Variants in HIGD2A observed in about 807,000 individuals in gnomAD.
The protein encoded by HIGD2A is HIG1 domain family member 2A, mitochondrial.
HIGD2A carries 4 observed loss-of-function variants against 6.3 expected under a neutral mutation model. The observed-to-expected ratio is 0.64, with a 90% CI of 0.31 to 1.46. The LOEUF (loss-of-function observed/expected upper bound fraction) is 1.46, where lower values mean the gene tolerates loss of function less well. HIGD2A is among the 40% of genes most tolerant of loss of function. The pLI, the probability that HIGD2A is intolerant of heterozygous loss-of-function variation, is 0.07. For synonymous variants in HIGD2A, 63 were observed against 59.3 expected, an observed-to-expected ratio of 1.06 and a Z score of -0.29; for missense variants, 143 against 144.8, an observed-to-expected ratio of 0.99 and a Z score of 0.06.
chr5:176,389,083 A>G, intron 1 of HIGD2A, 110 bp downstream of exon 1: 2 of 1,407,058 alleles, frequency 1.4e-6, no homozygotes, highest in Admixed American at 1.9e-5. Context: ...CGGACTAGAG[A>G]AGAGACGAGG....
rs61742004 is a variant in HIGD2A at position 176,389,413 on chromosome 5, G to A, written c.237G>A (p.Met79Ile). 2.5e-6 allele frequency: 4 copies of A among 1,614,040 alleles called. No individual in the cohort carries two copies. In the African/African-American group the frequency reaches 5.3e-5, roughly 22 times the overall value. ...RGNSQRSQLMMRTRIAAQGFT... is the reference protein window; with the variant it reads ...RGNSQRSQLMIRTRIAAQGFT... ...ACAGCCAGCGCTCTCAGCTCATGAT[G>A]CGCACCCGGATCGCCGCCCAGGGTT... Residue 79 changes from methionine (M) to isoleucine (I), a missense_variant, in exon 2 of 2, where the codon ATG (methionine) becomes ATA (isoleucine). Coordinates refer to ENST00000274787, the MANE Select transcript of HIGD2A (RefSeq NM_138820.4).
rs1756174717 is a variant in HIGD2A, at chr5:176,389,504, G to A, written c.*7G>A. ...TATGAAGTCTCGACCCTAAGCCCAG[G>A]GTCTGGCCTTGAAAGCTCCGCAGAA... On this transcript the variant is annotated 3_prime_UTR_variant, in exon 2 of 2. Coordinates refer to ENST00000274787, the MANE Select transcript of HIGD2A (RefSeq NM_138820.4). 2 of 1,607,696 alleles carry A rather than the reference G, an allele frequency of 1.2e-6. No individual in the cohort carries two copies. The highest frequency in any genetic ancestry group is 1.7e-6 in the Non-Finnish European group (2 of 1,176,598).
Position 176,389,452 on chromosome 5 carries a change from C to A in HIGD2A, c.276C>A (p.Ala92=), listed in dbSNP as rs763280872. 20 of 1,614,178 alleles carry A rather than the reference C, an allele frequency of 1.2e-5. No individual in the cohort carries two copies. In the South Asian group the frequency reaches 2.0e-4, roughly 16 times the overall value. Reference sequence around the variant, plus strand: ...CCGCCCAGGGTTTCACGGTCGCAGCCATCTTGCTGGGTCTGGCTGTCACTG... The same window carrying A: ...CCGCCCAGGGTTTCACGGTCGCAGCAATCTTGCTGGGTCTGGCTGTCACTG... The part of the protein sequence containing the change: ...RIAAQGFTVA[A]ILLGLAVTAM... The change falls in exon 2 of 2, where the codon GCC becomes GCA. Residue 92 remains alanine (A), a synonymous_variant. Transcript: ENST00000274787.
Position 176,389,666 on chromosome 5 carries a change from T to C in HIGD2A, c.*169T>C. 2 of 616,294 alleles carry C rather than the reference T, an allele frequency of 3.2e-6. No homozygotes were observed. Among genetic ancestry groups the C allele is most frequent in the Non-Finnish European group, 5.4e-6 (2 of 367,664 alleles). 38.2% of individuals were successfully genotyped at this position (616,294 alleles called of 1,614,324 possible). A position where few individuals can be genotyped will look rare whatever the true frequency, so the allele number is the denominator to read the frequency against. The stretch of plus-strand genomic sequence containing the variant: ...TAACCGAAAGTTTTTTCAAAAATCC[T>C]AGATGCTGTTGTTTGAATGTTACAT... On this transcript the variant is annotated 3_prime_UTR_variant, in exon 2 of 2. Transcript: ENST00000274787.
chr5:176,389,145 G>C (rs886847901), intron 1 of HIGD2A, among the ~76,000 whole-genome samples, 172 bp downstream of exon 1: 22 of 152,102 alleles, frequency 1.4e-4, no homozygotes, highest in Non-Finnish European at 2.4e-4. Flanking sequence ...GCGGGTTTAG[G>C]GGGCGGGATT....
chr5:176,388,783 C>T lies in HIGD2A; in HGVS notation c.-37C>T, dbSNP rs765010863. 3.9e-5 allele frequency: 62 copies of T among 1,602,392 alleles called. 1 individual carries two copies. The South Asian group carries it at 6.8e-4, about 17-fold the overall frequency. On this transcript the variant is annotated 5_prime_UTR_variant, in exon 1 of 2. Coordinates refer to ENST00000274787, the MANE Select transcript of HIGD2A (RefSeq NM_138820.4). ...ATGACCTTCACCGGGAGGCTGAGGT[C>T]GGAGTCCCGATTTTCTCCTGCTGCT...
chr5:176,388,986 G>A lies in HIGD2A; in HGVS notation c.154+13G>A, dbSNP rs576769278. ...GTGGTACCCATAGGTAAGTGGGTGCGGTAGGAACTGCACAAGGAGAGGACA... is the reference window on the plus strand; with the variant it reads ...GTGGTACCCATAGGTAAGTGGGTGCAGTAGGAACTGCACAAGGAGAGGACA... On this transcript the variant is annotated intron_variant, in intron 1 of 1. Coordinates refer to ENST00000274787, the MANE Select transcript of HIGD2A (RefSeq NM_138820.4). 3 of 1,613,520 alleles carry A rather than the reference G, an allele frequency of 1.9e-6. No homozygotes were observed. The highest frequency in any genetic ancestry group is 1.3e-5 in the African/African-American group (1 of 74,892).
rs925580453 is a variant in HIGD2A at position 176,389,102 on chromosome 5, C to A, written c.154+129C>A. ...CTAGAGAAGAGACGAGGGGGCGGGG[C>A]GGTGAGGGGCGAAACTGATTGGAGC... On this transcript the variant is annotated intron_variant, in intron 1 of 1. Transcript: ENST00000274787. 2.4e-5 allele frequency: 30 copies of A among 1,232,490 alleles called. No homozygotes were observed. The highest frequency in any genetic ancestry group is 6.8e-6 in the Non-Finnish European group (6 of 881,318). The allele number at this position is 1,232,490 out of a possible 1,614,324, so 76.3% of individuals were successfully genotyped here. A position where few individuals can be genotyped will look rare whatever the true frequency, so the allele number is the denominator to read the frequency against.
Position 176,389,599 on chromosome 5 carries a change from GCCC to G in HIGD2A, c.*103_*105del. 3.1e-6 allele frequency: 4 copies of G among 1,283,622 alleles called. No homozygotes were observed. Among genetic ancestry groups the G allele is most frequent in the Non-Finnish European group, 4.3e-6 (4 of 935,892 alleles). The allele number at this position is 1,283,622 out of a possible 1,614,324, so 79.5% of individuals were successfully genotyped here. ...CTTACTCCCTCCTCTCCTTTGAGAG[GCCC>G]ATGTGTCGCTGGGGAGGAAGTGACC... On this transcript the variant is annotated 3_prime_UTR_variant, in exon 2 of 2. Coordinates refer to ENST00000274787, the MANE Select transcript of HIGD2A (RefSeq NM_138820.4).
Position 176,389,429 on chromosome 5 carries a change from G to GCC in HIGD2A, c.255_256dup (p.Gln86ProfsTer18). 1 of 1,614,116 alleles carries GCC rather than the reference G, an allele frequency of 6.2e-7. No individual in the cohort carries two copies. The highest frequency in any genetic ancestry group is 8.5e-7 in the Non-Finnish European group (1 of 1,180,024). On this transcript the variant is annotated frameshift_variant, in exon 2 of 2. Coordinates refer to ENST00000274787, the MANE Select transcript of HIGD2A (RefSeq NM_138820.4). LOFTEE classifies it high-confidence loss of function. ...GCTCATGATGCGCACCCGGATCGCC[G>GCC]CCCAGGGTTTCACGGTCGCAGCCAT...
Position 176,389,668 on chromosome 5 carries a change from G to C in HIGD2A, c.*171G>C. On this transcript the variant is annotated 3_prime_UTR_variant, in exon 2 of 2. Transcript: ENST00000274787. Reference sequence around the variant, plus strand: ...ACCGAAAGTTTTTTCAAAAATCCTAGATGCTGTTGTTTGAATGTTACATAC... The same window carrying C: ...ACCGAAAGTTTTTTCAAAAATCCTACATGCTGTTGTTTGAATGTTACATAC... 1.6e-6 allele frequency: 1 copy of C among 612,016 alleles called. No individual in the cohort carries two copies. Among genetic ancestry groups the C allele is most frequent in the Non-Finnish European group, 2.7e-6 (1 of 364,386 alleles). The allele number at this position is 612,016 out of a possible 1,614,324, so 37.9% of individuals were successfully genotyped here. A position where few individuals can be genotyped will look rare whatever the true frequency, so the allele number is the denominator to read the frequency against.
Sources: gnomAD v4.1 joint callset for allele counts (sites outside exome capture counted in the v4.1 genomes callset) on GRCh38, gnomAD v4.1.1 for gene constraint, MANE v1.5 for transcripts, NCBI Gene and HGNC (gene_info 2026-07-23, HGNC 2026-07-21) for gene names.